Variants in BBOX1 observed in about 807,000 individuals in gnomAD.
BBOX1 encodes gamma-butyrobetaine dioxygenase.
A neutral mutation model predicts 41.6 loss-of-function variants in BBOX1; 35 were observed. The observed-to-expected ratio is 0.84, with a 90% CI of 0.64 to 1.11. The LOEUF (loss-of-function observed/expected upper bound fraction) is 1.11, where lower values mean the gene tolerates loss of function less well. BBOX1 is among the 50% of genes most tolerant of loss of function. BBOX1 has a pLI of 0.00. For synonymous variants in BBOX1, 163 were observed against 154.7 expected (o/e 1.05, Z -0.40); for missense variants, 458 against 460.6 (o/e 0.99, Z 0.05).
intron 2 of BBOX1, among the ~76,000 whole-genome samples, chr11:27,050,912 C>G (rs555655234): frequency 6.6e-6 from 1 of 152,042 alleles, no homozygotes; most frequent in African/African-American, 2.4e-5. Flanking sequence ...TGTCTTGTTC[C>G]CAATCTTAGA....
At chr11:27,083,562 CATAA>C (rs1254308508) in intron 4 of BBOX1, among the ~76,000 whole-genome samples, 1 of 152,064 alleles carries the variant, frequency 6.6e-6, no homozygotes, top group Non-Finnish European at 1.5e-5. Flanking sequence ...CAGAATTTGG[CATAA>C]ATAGCTTCTC....
intron 4 of BBOX1, among the ~76,000 whole-genome samples, chr11:27,090,426 G>T (rs1009844894): frequency 6.6e-6 from 1 of 151,800 alleles, no homozygotes; most frequent in South Asian, 2.1e-4. Context: ...CAGGGAGTAG[G>T]TACAAAGATC....
At chr11:27,109,783 T>C (rs940403607) in intron 5 of BBOX1, among the ~76,000 whole-genome samples, 1 of 151,908 alleles carries the variant, frequency 6.6e-6, no homozygotes, top group East Asian at 1.9e-4. Context: ...TAGGGAGGTT[T>C]TCCTGGTTGT....
chr11:27,052,180 A>C (rs1048101185), intron 2 of BBOX1, among the ~76,000 whole-genome samples: 1 of 152,076 alleles, frequency 6.6e-6, no homozygotes, highest in African/African-American at 2.4e-5. Flanking sequence ...TATTTCATAC[A>C]ATTGCAAAGA....
chr11:27,081,946 C>G (rs1857852940), intron 4 of BBOX1, among the ~76,000 whole-genome samples: 2 of 151,994 alleles, frequency 1.3e-5, no homozygotes, highest in Non-Finnish European at 2.9e-5. Context: ...TTTGTAGATT[C>G]TGGATATTAG....
At chr11:27,056,934 C>T (rs1477022631) in intron 3 of BBOX1, among the ~76,000 whole-genome samples, 1 of 151,162 alleles carries the variant, frequency 6.6e-6, no homozygotes, top group African/African-American at 2.4e-5. Flanking sequence ...GGCGTGGTGT[C>T]GCGTGCCTGT....
At chr11:27,090,111 G>A (rs998103058) in intron 4 of BBOX1, among the ~76,000 whole-genome samples, 1 of 151,968 alleles carries the variant, frequency 6.6e-6, no homozygotes. Flanking sequence ...GTTTAAGTAT[G>A]AGGGACTGCC....
chr11:27,060,466 T>C (rs1322668030), intron 4 of BBOX1, among the ~76,000 whole-genome samples: 2 of 152,206 alleles, frequency 1.3e-5, no homozygotes, highest in Non-Finnish European at 2.9e-5. Flanking sequence ...TATTTATTTA[T>C]AGCAATGCAA....
intron 4 of BBOX1, among the ~76,000 whole-genome samples, chr11:27,061,932 A>T (rs1857144907): frequency 6.6e-6 from 1 of 152,232 alleles, no homozygotes; most frequent in Non-Finnish European, 1.5e-5. Flanking sequence ...TCTCTCCTTG[A>T]GGACTTATCA....
At chr11:27,097,974 T>C (rs1479131268) in intron 5 of BBOX1, among the ~76,000 whole-genome samples, 1 of 152,014 alleles carries the variant, frequency 6.6e-6, no homozygotes, top group African/African-American at 2.4e-5. Flanking sequence ...CATGCCATTC[T>C]TCCCTATTCC....
intron 4 of BBOX1, among the ~76,000 whole-genome samples, chr11:27,089,873 T>C (rs1182874058): frequency 3.9e-5 from 6 of 152,034 alleles, no homozygotes; most frequent in African/African-American, 1.4e-4. Flanking sequence ...ATGACCTTTC[T>C]AGTTAGGCAG....
chr11:27,104,315 G>T (rs879484267), intron 5 of BBOX1, among the ~76,000 whole-genome samples: 2 of 152,088 alleles, frequency 1.3e-5, no homozygotes, highest in Non-Finnish European at 2.9e-5. Flanking sequence ...GCTTCTCTCT[G>T]CTTTCTCCTA....
At position 27,055,436 on chromosome 11, in the gene BBOX1, TTGTACCA is replaced by T. The variant is rs1856947195; in HGVS notation, c.8_14del (p.Cys3SerfsTer12). On this transcript the variant is annotated frameshift_variant, in exon 3 of 9. Transcript: ENST00000263182. LOFTEE classifies it high-confidence loss of function. ...TACTCCTGAAGACCGGAAACATGGC[TTGTACCA>T]TCCAAAAGGCAGAAGCACTTGACGG... is the stretch of plus-strand genomic sequence containing the variant. 6.2e-7 allele frequency: 1 copy of T among 1,613,358 alleles called. No individual in the cohort carries two copies. The highest frequency in any genetic ancestry group is 1.3e-5 in the African/African-American group (1 of 74,908).
intron 4 of BBOX1, among the ~76,000 whole-genome samples, chr11:27,071,215 CAAAAAAA>C (rs746944498): frequency 3.3e-5 from 5 of 151,120 alleles, no homozygotes; most frequent in Non-Finnish European, 1.5e-5. Context: ...TCTACTAAAA[CAAAAAAA>C]ATGCAAAAAA....
intron 5 of BBOX1, among the ~76,000 whole-genome samples, chr11:27,105,621 G>T (rs60376193): frequency 0.32 from 48,974 of 151,936 alleles, 9,886 homozygotes; most frequent in African/African-American, 0.57. Flanking sequence ...TTCTGATTGG[G>T]GTACCTGAAA....
chr11:27,060,873 TC>T (rs1335490021), intron 4 of BBOX1, among the ~76,000 whole-genome samples: 1 of 152,226 alleles, frequency 6.6e-6, no homozygotes, highest in East Asian at 1.9e-4. Flanking sequence ...GCTGGTTAAA[TC>T]CAGATGGGTA....
intron 5 of BBOX1, 143 bp downstream of exon 5, chr11:27,093,509 G>A (rs1858324711): frequency 1.1e-6 from 1 of 926,500 alleles, no homozygotes; most frequent in Admixed American, 2.9e-5. Flanking sequence ...GAGTCTAAAA[G>A]TAGTATTTTG....
At chr11:27,077,665 T>C (rs16925449) in intron 4 of BBOX1, among the ~76,000 whole-genome samples, 12,679 of 150,908 alleles carry the variant, frequency 0.084, 1,389 homozygotes, top group African/African-American at 0.25. Flanking sequence ...CCCTCTTGAA[T>C]AGAATATTTG....
intron 2 of BBOX1, among the ~76,000 whole-genome samples, chr11:27,052,386 C>CTGTCA (rs1353663943): frequency 2.6e-5 from 4 of 152,034 alleles, no homozygotes; most frequent in African/African-American, 9.7e-5. Context: ...ACCATACACA[C>CTGTCA]TGTCATCACC....
Sources: gnomAD v4.1 joint callset for allele counts (sites outside exome capture counted in the v4.1 genomes callset) on GRCh38, gnomAD v4.1.1 for gene constraint, MANE v1.5 for transcripts, NCBI Gene and HGNC (gene_info 2026-07-23, HGNC 2026-07-21) for gene names.